NOL4: variants seen among roughly 807,000 people sequenced by gnomAD.
NOL4 encodes the protein nucleolar protein 4.
A neutral mutation model predicts 75.9 loss-of-function variants in NOL4; 17 were observed. The observed-to-expected ratio is 0.22, with a 90% CI of 0.15 to 0.34. The LOEUF (loss-of-function observed/expected upper bound fraction) is 0.34. NOL4 is among the 10% of genes least tolerant of loss of function. The probability of loss-of-function intolerance (pLI) is 1.00; values close to 1 mark genes in which losing one functional copy is unlikely to be tolerated. For synonymous variants in NOL4, 292 were observed against 289.9 expected (o/e 1.01, Z -0.07); for missense variants, 614 against 793.5 (o/e 0.77, Z 2.72).
At chr18:34,054,029 C>G (rs1296334285) in intron 5 of NOL4, among the ~76,000 whole-genome samples, 1 of 151,864 alleles carries the variant, frequency 6.6e-6, no homozygotes, top group Non-Finnish European at 1.5e-5. Context: ...AATTCACATA[C>G]TTGTAAGTGA....
intron 6 of NOL4, among the ~76,000 whole-genome samples, chr18:33,960,507 C>G (rs2070023291): frequency 6.6e-6 from 1 of 152,182 alleles, no homozygotes; most frequent in East Asian, 1.9e-4. Context: ...GTATCTATCT[C>G]AAAGTCAATC....
chr18:34,104,421 T>G (rs964765111), intron 3 of NOL4, among the ~76,000 whole-genome samples: 2 of 152,012 alleles, frequency 1.3e-5, no homozygotes, highest in South Asian at 4.1e-4. Context: ...AAACCTAATG[T>G]GGTTACTAAC....
intron 9 of NOL4, among the ~76,000 whole-genome samples, chr18:33,922,888 GAATTT>G (rs1246968220): frequency 1.1e-4 from 16 of 151,780 alleles, no homozygotes; most frequent in African/African-American, 3.9e-4. Context: ...TCTAAATATC[GAATTT>G]AATTTATTAT....
intron 6 of NOL4, among the ~76,000 whole-genome samples, chr18:33,964,188 T>A (rs1445951290): frequency 1.3e-5 from 2 of 152,088 alleles, no homozygotes; most frequent in Non-Finnish European, 2.9e-5. Flanking sequence ...GCCAAACACA[T>A]AGAAGGAATA....
At chr18:33,864,731 T>C (rs1345374299) in intron 10 of NOL4, among the ~76,000 whole-genome samples, 4 of 152,148 alleles carry the variant, frequency 2.6e-5, no homozygotes, top group Non-Finnish European at 5.9e-5. Flanking sequence ...ATTCTCACAC[T>C]GCTATAAGGA....
intron 10 of NOL4, among the ~76,000 whole-genome samples, chr18:33,868,577 C>T (rs1305418881): frequency 6.6e-6 from 1 of 150,956 alleles, no homozygotes; most frequent in Non-Finnish European, 1.5e-5. Flanking sequence ...TACAACAATA[C>T]AAGATTTAAT....
intron 9 of NOL4, among the ~76,000 whole-genome samples, chr18:33,909,837 A>T (rs1321606652): frequency 8.5e-5 from 13 of 152,096 alleles, no homozygotes; most frequent in Admixed American, 6.6e-5. Flanking sequence ...AAATATATAA[A>T]AAAAAAAATT....
At chr18:34,125,886 C>T (rs192582500) in intron 2 of NOL4, among the ~76,000 whole-genome samples, 1 of 151,794 alleles carries the variant, frequency 6.6e-6, no homozygotes, top group Admixed American at 6.6e-5. Flanking sequence ...CTCCTAAACA[C>T]AAGAACTCTG....
chr18:33,885,641 A>AATG (rs1196036609), intron 9 of NOL4, among the ~76,000 whole-genome samples: 3 of 152,160 alleles, frequency 2.0e-5, no homozygotes, highest in African/African-American at 7.2e-5. Context: ...CCCCAGTTAA[A>AATG]ATGACTTATA....
chr18:33,893,845 C>G (rs1249336827), intron 9 of NOL4, among the ~76,000 whole-genome samples: 1 of 151,962 alleles, frequency 6.6e-6, no homozygotes, highest in South Asian at 2.1e-4. Flanking sequence ...TATTAGTGAT[C>G]CACTGTTTTA....
chr18:34,125,297 A>T (rs141735623), intron 2 of NOL4, among the ~76,000 whole-genome samples: 1 of 152,194 alleles, frequency 6.6e-6, no homozygotes, highest in Non-Finnish European at 1.5e-5. Flanking sequence ...TAAGATCTGC[A>T]AACTCTACAA....
At chr18:33,893,270 G>C (rs1316612695) in intron 9 of NOL4, among the ~76,000 whole-genome samples, 1 of 152,158 alleles carries the variant, frequency 6.6e-6, no homozygotes, top group Non-Finnish European at 1.5e-5. Context: ...GCAAGATTGA[G>C]AGTGGTTTAG....
At chr18:34,140,891 T>C (rs1031712211) in intron 1 of NOL4, among the ~76,000 whole-genome samples, 4 of 152,146 alleles carry the variant, frequency 2.6e-5, no homozygotes, top group Admixed American at 2.6e-4. Flanking sequence ...ACAAAATCTC[T>C]CAGCATTTGC....
intron 1 of NOL4, among the ~76,000 whole-genome samples, chr18:34,133,997 C>T (rs567898040): frequency 1.3e-5 from 2 of 152,026 alleles, no homozygotes; most frequent in African/African-American, 4.8e-5. Context: ...CACTCCAGCC[C>T]GAGCCACAGA....
chr18:34,224,288 C>T lies in NOL4; in HGVS notation c.-1035G>A, dbSNP rs1262608884. ...CCTTTGCACGAAATTAAAATATATA[C>T]AGAAAGATCATTTTCCCCTTGCTTG... On this transcript the variant is annotated 5_prime_UTR_variant, in exon 1 of 11. Transcript: ENST00000261592. The T allele has an allele frequency of 3.3e-5, 5 of 152,326 alleles. No individual in the cohort carries two copies. Among genetic ancestry groups the T allele is most frequent in the African/African-American group, 1.2e-4 (5 of 41,466 alleles). The allele number at this position is 152,326 out of a possible 1,614,324, so 9.4% of individuals were successfully genotyped here. A position where few individuals can be genotyped will look rare whatever the true frequency, so the allele number is the denominator to read the frequency against.
chr18:34,193,130 AC>A (rs1168937279), intron 1 of NOL4, among the ~76,000 whole-genome samples: 1 of 152,204 alleles, frequency 6.6e-6, no homozygotes, highest in Non-Finnish European at 1.5e-5. Flanking sequence ...TTAAAGACTT[AC>A]ACACAAGACC....
At chr18:33,973,662 A>C (rs1394152717) in intron 6 of NOL4, among the ~76,000 whole-genome samples, 1 of 152,196 alleles carries the variant, frequency 6.6e-6, no homozygotes, top group South Asian at 2.1e-4. Context: ...AGCAGGCCTG[A>C]AAACATCATT....
chr18:33,903,492 T>C (rs1043657848), intron 9 of NOL4, among the ~76,000 whole-genome samples: 3 of 152,098 alleles, frequency 2.0e-5, no homozygotes, highest in African/African-American at 7.2e-5. Context: ...TGGGTACACA[T>C]ATCTCATCTA....
chr18:34,074,493 T>C (rs2077662848), intron 5 of NOL4, among the ~76,000 whole-genome samples: 1 of 151,956 alleles, frequency 6.6e-6, no homozygotes, highest in Non-Finnish European at 1.5e-5. Context: ...GATAACACTT[T>C]GAATTGTCAG....
Sources: allele counts gnomAD v4.1 joint callset (sites outside exome capture counted in the v4.1 genomes callset), GRCh38; gene constraint gnomAD v4.1.1; transcripts MANE v1.5; gene names NCBI Gene and HGNC (gene_info 2026-07-23, HGNC 2026-07-21).